ALPK1: variants seen among roughly 807,000 people sequenced by gnomAD.
ALPK1 encodes alpha kinase 1.
ALPK1 carries 110 observed loss-of-function variants against 120.6 expected under a neutral mutation model. That is an observed-to-expected ratio of 0.91 (90% CI 0.78 to 1.07). ALPK1 has a LOEUF of 1.07. Ranked by LOEUF, ALPK1 falls within the 50% of genes least tolerant of loss-of-function variation. The pLI is 0.00. For synonymous variants in ALPK1, 582 were observed against 560.3 expected (o/e 1.04, Z -0.55); for missense variants, 1,498 against 1,483.9 (o/e 1.01, Z -0.16).
chr4:112,426,163 G>A, intron 7 of ALPK1: 1 of 216,010 alleles, frequency 4.6e-6, no homozygotes, highest in Non-Finnish European at 9.0e-6. Context: ...GCAAAATAAT[G>A]GTTTGAGAAA....
intron 5 of ALPK1, 47 bp downstream of exon 5, chr4:112,412,072 G>C (rs368944438): frequency 1.7e-5 from 28 of 1,605,838 alleles, no homozygotes; most frequent in Non-Finnish European, 2.4e-5. Flanking sequence ...GTGTCTTCTG[G>C]TCCCCTTCCC....
chr4:112,340,123 C>A (rs952277687), intron 2 of ALPK1, among the ~76,000 whole-genome samples: 5 of 152,214 alleles, frequency 3.3e-5, no homozygotes, highest in African/African-American at 1.2e-4. Flanking sequence ...GAACTCTGTT[C>A]ATCGTCTTCA....
At chr4:112,428,114 T>A (rs938551585) in intron 9 of ALPK1, 1 of 159,270 alleles carries the variant, frequency 6.3e-6, no homozygotes, top group Non-Finnish European at 1.4e-5. Context: ...TATATCACTT[T>A]ACAACTCAAG....
intron 1 of ALPK1, among the ~76,000 whole-genome samples, chr4:112,299,243 T>G (rs1159741569): frequency 6.6e-6 from 1 of 152,126 alleles, no homozygotes; most frequent in Non-Finnish European, 1.5e-5. Context: ...TATCTGGTGC[T>G]ATCATTCTTC....
At chr4:112,354,675 C>T (rs1730518765) in intron 2 of ALPK1, among the ~76,000 whole-genome samples, 1 of 152,066 alleles carries the variant, frequency 6.6e-6, no homozygotes, top group Non-Finnish European at 1.5e-5. Context: ...ACCATGTTGT[C>T]CAGGCTGGTC....
intron 2 of ALPK1, among the ~76,000 whole-genome samples, chr4:112,354,495 T>C (rs1730509067): frequency 6.6e-6 from 1 of 152,250 alleles, no homozygotes. Flanking sequence ...AGACACAGTC[T>C]TACTCTATCA....
At chr4:112,358,172 A>G in intron 2 of ALPK1, 1 of 620,780 alleles carries the variant, frequency 1.6e-6, no homozygotes, top group East Asian at 4.1e-5. Flanking sequence ...GAACCAGGCC[A>G]TCGGGCAAGT....
At chr4:112,439,542 A>G (rs1459534780) in intron 13 of ALPK1, 144 bp from the exon 14 acceptor site, 28 of 600,104 alleles carry the variant, frequency 4.7e-5, no homozygotes, top group Non-Finnish European at 6.9e-5. Flanking sequence ...AAAGGTAGTT[A>G]TAATTATACC....
At chr4:112,354,181 A>G (rs1372290117) in intron 2 of ALPK1, among the ~76,000 whole-genome samples, 1 of 150,680 alleles carries the variant, frequency 6.6e-6, no homozygotes, top group Non-Finnish European at 1.5e-5. Context: ...TTATGGTGTC[A>G]TTTTACTAAT....
In ALPK1 at chr4:112,402,990, T is replaced by C. The variant is rs147889976; in HGVS notation, c.277-8837T>C. On this transcript the variant is annotated intron_variant, in intron 4 of 15. Transcript: ENST00000650871. ...TAGACCAATATGCATTTCAAAGGCATTGCCCATGTAATCAGTGGGTTAGGG... is the reference window on the plus strand; with the variant it reads ...TAGACCAATATGCATTTCAAAGGCACTGCCCATGTAATCAGTGGGTTAGGG... 3.3e-5 allele frequency among the ~76,000 whole-genome samples: 5 copies of C among 152,236 alleles called. No homozygotes were observed. The East Asian group carries it at 9.6e-4, about 29-fold the overall frequency.
At chr4:112,410,656 A>G (rs1344489472) in intron 4 of ALPK1, among the ~76,000 whole-genome samples, 2 of 152,218 alleles carry the variant, frequency 1.3e-5, no homozygotes, top group African/African-American at 4.8e-5. Flanking sequence ...TATTTGGGTG[A>G]TAAACTCATT....
At chr4:112,365,857 G>T (rs565844570) in intron 2 of ALPK1, among the ~76,000 whole-genome samples, 2 of 152,006 alleles carry the variant, frequency 1.3e-5, no homozygotes, top group Non-Finnish European at 2.9e-5. Context: ...ATAAAAATAG[G>T]CACATAGACC....
chr4:112,414,398 G>T, intron 5 of ALPK1: 1 of 440,970 alleles, frequency 2.3e-6, no homozygotes, highest in South Asian at 1.6e-5. Context: ...CCTGAAGTCA[G>T]GAGTTCGAGA....
chr4:112,356,751 C>T (rs1730640116), intron 2 of ALPK1: 1 of 789,618 alleles, frequency 1.3e-6, no homozygotes, highest in African/African-American at 1.7e-5. Flanking sequence ...GGAGTATGCC[C>T]TTATTACCTG....
At chr4:112,394,316 C>T (rs539867409) in intron 4 of ALPK1, among the ~76,000 whole-genome samples, 32 of 152,156 alleles carry the variant, frequency 2.1e-4, no homozygotes, top group African/African-American at 6.7e-4. Context: ...CTATTTTATT[C>T]GGAGCAGAAT....
intron 2 of ALPK1, among the ~76,000 whole-genome samples, chr4:112,317,078 A>G (rs1391423222): frequency 6.6e-6 from 1 of 152,074 alleles, no homozygotes; most frequent in Non-Finnish European, 1.5e-5. Flanking sequence ...CCATTTTTTA[A>G]TTGGGTTGTT....
intron 1 of ALPK1, among the ~76,000 whole-genome samples, chr4:112,302,705 T>C (rs1229505095): frequency 6.6e-6 from 1 of 151,118 alleles, no homozygotes; most frequent in Non-Finnish European, 1.5e-5. Context: ...GCAGTAAGCA[T>C]GCTTAAGTGT....
chr4:112,324,328 G>GAA (rs768067074), intron 2 of ALPK1, among the ~76,000 whole-genome samples: 2 of 56,486 alleles, frequency 3.5e-5, no homozygotes, highest in Non-Finnish European at 6.1e-5. Context: ...CTCCATCTCA[G>GAA]AAAAAAAAAA....
intron 2 of ALPK1, chr4:112,343,146 C>T (rs1729938178): frequency 6.6e-6 from 1 of 152,242 alleles, no homozygotes; most frequent in Admixed American, 6.5e-5. Flanking sequence ...GCACATTAAA[C>T]ACACAGGGAC....
Sources: allele counts gnomAD v4.1 joint callset (sites outside exome capture counted in the v4.1 genomes callset), GRCh38; gene constraint gnomAD v4.1.1; transcripts MANE v1.5; gene names NCBI Gene and HGNC (gene_info 2026-07-23, HGNC 2026-07-21).